Variants in PIGB observed in about 807,000 individuals in gnomAD.
The protein encoded by PIGB is phosphatidylinositol glycan anchor biosynthesis class B.
A neutral mutation model predicts 68.4 loss-of-function variants in PIGB; 58 were observed. That is an observed-to-expected ratio of 0.85 (90% CI 0.69 to 1.06). The LOEUF (loss-of-function observed/expected upper bound fraction) is 1.06, where lower values mean the gene tolerates loss of function less well. PIGB is among the 50% of genes least tolerant of loss of function. The pLI is 0.00. For missense variants in PIGB, 634 were observed against 655.8 expected (o/e 0.97, Z 0.36); for synonymous variants, 219 against 220.5 (o/e 0.99, Z 0.06).
chr15:55,330,200 G>T (rs1454353276), intron 5 of PIGB, among the ~76,000 whole-genome samples: 1 of 152,170 alleles, frequency 6.6e-6, no homozygotes, highest in African/African-American at 2.4e-5. Context: ...AGCTGTAATT[G>T]TAAGAGAGTG....
intron 5 of PIGB, among the ~76,000 whole-genome samples, chr15:55,331,586 G>C (rs1566950765): frequency 6.6e-6 from 1 of 152,038 alleles, no homozygotes; most frequent in Non-Finnish European, 1.5e-5. Context: ...GGTGGTGCAT[G>C]CCTATAATCC....
intron 8 of PIGB, among the ~76,000 whole-genome samples, chr15:55,341,113 A>G (rs2055661502): frequency 6.6e-6 from 1 of 152,074 alleles, no homozygotes; most frequent in African/African-American, 2.4e-5. Flanking sequence ...TGTAATTTCA[A>G]TACTTTGAAG....
intron 9 of PIGB, among the ~76,000 whole-genome samples, chr15:55,347,876 T>C (rs1034340714): frequency 6.6e-6 from 1 of 152,128 alleles, no homozygotes; most frequent in African/African-American, 2.4e-5. Context: ...CACAAGCATG[T>C]TATCTTCCAG....
chr15:55,349,595 C>G (rs186439808), intron 9 of PIGB: 5 of 151,904 alleles, frequency 3.3e-5, no homozygotes, highest in African/African-American at 1.2e-4. Flanking sequence ...ATTCTTTAAT[C>G]AGAACTATTT....
At chr15:55,346,852 T>C (rs2055805925) in intron 9 of PIGB, 1 of 152,222 alleles carries the variant, frequency 6.6e-6, no homozygotes, top group East Asian at 1.9e-4. Context: ...AAGAAAACCA[T>C]GGACCTTAGG....
chr15:55,325,409 A>G (rs1205934764), intron 3 of PIGB, among the ~76,000 whole-genome samples: 1 of 152,186 alleles, frequency 6.6e-6, no homozygotes, highest in Non-Finnish European at 1.5e-5. Context: ...CCAAGATTAA[A>G]TTGTGCTCTA....
At chr15:55,329,382 AG>A (rs575824856) in intron 4 of PIGB, among the ~76,000 whole-genome samples, 138 of 152,326 alleles carry the variant, frequency 9.1e-4, no homozygotes, top group African/African-American at 3.1e-3. Context: ...GGAAGAATCT[AG>A]TTATGAATTT....
At chr15:55,336,474 C>T (rs2141190800) in intron 6 of PIGB, among the ~76,000 whole-genome samples, 1 of 152,310 alleles carries the variant, frequency 6.6e-6, no homozygotes, top group Middle Eastern at 3.4e-3. Flanking sequence ...GCTTAGCCTA[C>T]CATAAACGTG....
intron 6 of PIGB, 148 bp from the exon 7 acceptor site, chr15:55,339,119 T>C: frequency 3.1e-6 from 2 of 637,632 alleles, no homozygotes; most frequent in South Asian, 3.7e-5. Context: ...TAGATACCTT[T>C]CAAAATGTGT....
At chr15:55,325,344 T>C (rs2055257155) in intron 3 of PIGB, among the ~76,000 whole-genome samples, 1 of 151,678 alleles carries the variant, frequency 6.6e-6, no homozygotes, top group African/African-American at 2.4e-5. Context: ...ACACACAAAA[T>C]AAAAAAATAA....
intron 5 of PIGB, among the ~76,000 whole-genome samples, chr15:55,332,396 G>A (rs1176919470): frequency 6.7e-6 from 1 of 149,626 alleles, no homozygotes; most frequent in Non-Finnish European, 1.5e-5. Context: ...TTGAGATGGA[G>A]TTTCATTGTT....
chr15:55,338,367 C>G (rs1307528933), intron 6 of PIGB, among the ~76,000 whole-genome samples: 2 of 152,142 alleles, frequency 1.3e-5, no homozygotes, highest in Admixed American at 1.3e-4. Flanking sequence ...CTATGGTGGC[C>G]AGGCACAGTG....
chr15:55,326,801 G>T (rs144442317), intron 3 of PIGB, among the ~76,000 whole-genome samples: 5 of 152,050 alleles, frequency 3.3e-5, no homozygotes, highest in African/African-American at 1.2e-4. Context: ...TGCGCCACTG[G>T]ACTCCAGCCT....
At position 55,354,929 on chromosome 15, in the gene PIGB, A is replaced by G. The variant is rs2056039691; in HGVS notation, c.1469A>G (p.Asp490Gly). The G allele has an allele frequency of 6.2e-7, 1 of 1,613,262 alleles. No individual in the cohort carries two copies. Among genetic ancestry groups the G allele is most frequent in the Middle Eastern group, 1.6e-4 (1 of 6,062 alleles). The change falls in exon 11 of 12, where the codon GAT becomes GGT. Residue 490 changes from aspartate to glycine, a missense_variant. By Grantham distance (94) the Asp-to-Gly change is moderately conservative (BLOSUM62 -1). Coordinates refer to ENST00000164305, the MANE Select transcript of PIGB (RefSeq NM_004855.5). ...AACTGGTTACATAGAGAGTTTCATG[A>G]TGATGCATCATTGCCTACTCACTTG... ...PLNWLHREFHDDASLPTHLIT... is the reference protein window; with the variant it reads ...PLNWLHREFHGDASLPTHLIT...
chr15:55,339,279 G>T lies in PIGB; in HGVS notation c.807G>T (p.Leu269Phe). The change falls in exon 7 of 12, where the codon TTG becomes TTT. Residue 269 changes from leucine to phenylalanine, a missense_variant. Transcript: ENST00000164305. ...TTTTGTTTTTCAGCTTTGTTACTTT[G>T]AGTTTGTCTCTGATGATTGATCGTA... ...HHFLPVGFVT[L>F]SLSLMIDRIF... is the part of the protein sequence containing the mutation. 1 of 1,552,246 alleles carries T rather than the reference G, an allele frequency of 6.4e-7. No individual in the cohort carries two copies.
intron 3 of PIGB, among the ~76,000 whole-genome samples, chr15:55,324,408 C>T (rs1437979721): frequency 1.3e-5 from 2 of 152,160 alleles, no homozygotes; most frequent in Non-Finnish European, 2.9e-5. Context: ...TCTGGAGAAA[C>T]TGCTAATGAC....
chr15:55,350,589 A>T, intron 9 of PIGB, 110 bp from the exon 10 acceptor site: 1 of 721,332 alleles, frequency 1.4e-6, no homozygotes, highest in South Asian at 1.7e-5. Context: ...TTATTTGTCT[A>T]TAACAGTATT....
At position 55,355,309 on chromosome 15, in the gene PIGB, A is replaced by G; in HGVS notation, c.1542A>G (p.Ser514=). The G allele has an allele frequency of 6.2e-7, 1 of 1,609,490 alleles. No homozygotes were observed. The highest frequency in any genetic ancestry group is 1.3e-5 in the African/African-American group (1 of 74,898). ...AGGAAATAAGCGCTTTCCTAATTTC[A>G]AGCAATTATAAAAGAACTGCTGTTT... is the stretch of plus-strand genomic sequence containing the variant. ...LEEEISAFLI[S]SNYKRTAVFF... The change falls in exon 12 of 12, where the codon TCA becomes TCG. Residue 514 remains serine (S), a synonymous_variant. Coordinates refer to ENST00000164305, the MANE Select transcript of PIGB (RefSeq NM_004855.5).
At chr15:55,346,533 G>A (rs887576370) in intron 9 of PIGB, 2 of 152,176 alleles carry the variant, frequency 1.3e-5, no homozygotes, top group African/African-American at 4.8e-5. Context: ...GATAACAGGA[G>A]CAAATTAAGT....
Sources: allele counts gnomAD v4.1 joint callset (sites outside exome capture counted in the v4.1 genomes callset), GRCh38; gene constraint gnomAD v4.1.1; transcripts MANE v1.5; gene names NCBI Gene and HGNC (gene_info 2026-07-23, HGNC 2026-07-21).